ENOX1: variants seen among roughly 807,000 people sequenced by gnomAD.
ENOX1 encodes candidate growth-related and time keeping constitutive hydroquinone (NADH) oxidase.
Under a neutral mutation model 82.5 loss-of-function variants are expected in ENOX1, and 42 were observed. That is an observed-to-expected ratio of 0.51 (90% CI 0.40 to 0.66). The LOEUF (loss-of-function observed/expected upper bound fraction) is 0.66. ENOX1 is among the 30% of genes least tolerant of loss of function. The probability of loss-of-function intolerance (pLI) is 0.00; values close to 1 mark genes in which losing one functional copy is unlikely to be tolerated. For missense variants in ENOX1, 608 were observed against 811.6 expected, an observed-to-expected ratio of 0.75 and a Z score of 3.05; for synonymous variants, 271 against 282.2, an observed-to-expected ratio of 0.96 and a Z score of 0.40.
At chr13:43,371,741 A>C (rs1472602094) in intron 5 of ENOX1, among the ~76,000 whole-genome samples, 17 of 152,212 alleles carry the variant, frequency 1.1e-4, no homozygotes, top group Admixed American at 1.1e-3. Context: ...TTTCAATTTA[A>C]ACTTACTGCT....
intron 12 of ENOX1, among the ~76,000 whole-genome samples, chr13:43,277,991 G>A (rs1223543421): frequency 2.6e-5 from 4 of 152,134 alleles, no homozygotes; most frequent in Non-Finnish European, 1.5e-5. Context: ...ACCTGCCTTG[G>A]TGTAGGAGTT....
At chr13:43,436,525 G>A (rs2056039998) in intron 3 of ENOX1, among the ~76,000 whole-genome samples, 1 of 152,178 alleles carries the variant, frequency 6.6e-6, no homozygotes, top group African/African-American at 2.4e-5. Context: ...GATTTACAAT[G>A]CTTTAATTGA....
At chr13:43,513,532 C>T (rs1024071554) in intron 2 of ENOX1, among the ~76,000 whole-genome samples, 3 of 151,988 alleles carry the variant, frequency 2.0e-5, no homozygotes, top group Admixed American at 6.6e-5. Flanking sequence ...AGTAATAATA[C>T]ACAATAAAAC....
chr13:43,676,003 T>C (rs1045404263), intron 1 of ENOX1, among the ~76,000 whole-genome samples: 5 of 152,188 alleles, frequency 3.3e-5, no homozygotes, highest in African/African-American at 9.7e-5. Context: ...TATTGTGGCA[T>C]AGATTTTTAG....
At chr13:43,292,799 C>T (rs528459810) in intron 12 of ENOX1, among the ~76,000 whole-genome samples, 2 of 151,990 alleles carry the variant, frequency 1.3e-5, no homozygotes, top group Non-Finnish European at 2.9e-5. Context: ...TAGTCATCAT[C>T]CTCACCATAA....
intron 3 of ENOX1, among the ~76,000 whole-genome samples, chr13:43,462,418 T>G (rs2057528471): frequency 6.6e-6 from 1 of 152,220 alleles, no homozygotes; most frequent in South Asian, 2.1e-4. Context: ...TTGGCAAAAT[T>G]AACATTTAGA....
chr13:43,719,523 G>A (rs2153817415), intron 1 of ENOX1, among the ~76,000 whole-genome samples: 1 of 152,234 alleles, frequency 6.6e-6, no homozygotes. Context: ...CTGGAAAGAT[G>A]AGAGATAAGA....
intron 1 of ENOX1, among the ~76,000 whole-genome samples, chr13:43,733,126 C>T (rs115294617): frequency 0.025 from 3,876 of 152,144 alleles, 61 homozygotes; most frequent in African/African-American, 0.047. Flanking sequence ...ACCTGGATAA[C>T]CAGACCCATC....
intron 1 of ENOX1, among the ~76,000 whole-genome samples, chr13:43,733,931 C>T (rs1322173689): frequency 6.6e-6 from 1 of 152,000 alleles, no homozygotes; most frequent in Non-Finnish European, 1.5e-5. Context: ...TGCAATACAG[C>T]CTGGGTGCCA....
intron 1 of ENOX1, among the ~76,000 whole-genome samples, chr13:43,731,266 A>C (rs1445199788): frequency 1.3e-5 from 2 of 152,158 alleles, no homozygotes. Context: ...TGGCCTTTCC[A>C]AGTCAGTTTT....
intron 1 of ENOX1, among the ~76,000 whole-genome samples, chr13:43,715,712 T>C (rs1215573506): frequency 6.6e-6 from 1 of 152,230 alleles, no homozygotes; most frequent in East Asian, 1.9e-4. Context: ...TTCATTTCAT[T>C]CATTTCGTCT....
intron 11 of ENOX1, among the ~76,000 whole-genome samples, chr13:43,305,671 A>C (rs1413724669): frequency 2.6e-5 from 4 of 152,230 alleles, no homozygotes; most frequent in Non-Finnish European, 5.9e-5. Flanking sequence ...TGGAGACTTC[A>C]CATCATGCCT....
At chr13:43,434,201 C>T (rs1223935154) in intron 3 of ENOX1, among the ~76,000 whole-genome samples, 1 of 152,154 alleles carries the variant, frequency 6.6e-6, no homozygotes, top group Non-Finnish European at 1.5e-5. Flanking sequence ...AATACCTGAC[C>T]CTGCTCAAGG....
chr13:43,715,748 G>A (rs2088076429), intron 1 of ENOX1, among the ~76,000 whole-genome samples: 1 of 152,094 alleles, frequency 6.6e-6, no homozygotes, highest in African/African-American at 2.4e-5. Flanking sequence ...CTTTCTTCCA[G>A]TTGATCGCAT....
At chr13:43,442,757 T>C (rs1320401926) in intron 3 of ENOX1, among the ~76,000 whole-genome samples, 1 of 152,200 alleles carries the variant, frequency 6.6e-6, no homozygotes, top group Non-Finnish European at 1.5e-5. Context: ...TTCTTGCAAA[T>C]CAAGGGTATA....
intron 1 of ENOX1, among the ~76,000 whole-genome samples, chr13:43,740,813 C>T (rs9316055): frequency 0.094 from 14,234 of 152,158 alleles, 1,103 homozygotes; most frequent in African/African-American, 0.21. Flanking sequence ...GTAGCACGTG[C>T]CAGTACTTCA....
chr13:43,291,291 T>C (rs930823622), intron 12 of ENOX1, among the ~76,000 whole-genome samples: 11 of 152,208 alleles, frequency 7.2e-5, no homozygotes, highest in African/African-American at 2.7e-4. Context: ...TGCACATGCA[T>C]GGGGGCTTAG....
chr13:43,687,629 C>T (rs555535283), intron 1 of ENOX1, among the ~76,000 whole-genome samples: 11 of 152,168 alleles, frequency 7.2e-5, no homozygotes, highest in South Asian at 2.1e-4. Context: ...GAGAGGAGGG[C>T]GGGAAACATC....
At chr13:43,426,063 G>A (rs1433199077) in intron 3 of ENOX1, among the ~76,000 whole-genome samples, 2 of 152,190 alleles carry the variant, frequency 1.3e-5, no homozygotes, top group Admixed American at 6.5e-5. Context: ...TGCCTAGAAA[G>A]GTTTTAAATG....
Sources: gnomAD v4.1 joint callset for allele counts (sites outside exome capture counted in the v4.1 genomes callset) on GRCh38, gnomAD v4.1.1 for gene constraint, MANE v1.5 for transcripts, NCBI Gene and HGNC (gene_info 2026-07-23, HGNC 2026-07-21) for gene names.